Variants in BANK1 observed in about 807,000 individuals in gnomAD.
BANK1 encodes the protein B cell scaffold protein with ankyrin repeats 1.
Under a neutral mutation model 94.5 loss-of-function variants are expected in BANK1, and 95 were observed. That is an observed-to-expected ratio of 1.00 (90% CI 0.85 to 1.19). The LOEUF is 1.19. BANK1 is among the 50% of genes most tolerant of loss of function. The probability of loss-of-function intolerance (pLI) is 0.00; values close to 1 mark genes in which losing one functional copy is unlikely to be tolerated. For missense variants in BANK1, 987 were observed against 932.2 expected (o/e 1.06, Z -0.77); for synonymous variants, 334 against 308.4 (o/e 1.08, Z -0.87).
chr4:101,908,635 G>A (rs1181346908), intron 6 of BANK1, among the ~76,000 whole-genome samples: 2 of 152,042 alleles, frequency 1.3e-5, no homozygotes, highest in Non-Finnish European at 2.9e-5. Flanking sequence ...CAGAATGGGA[G>A]AAAATTTTTG....
At chr4:101,811,232 C>T (rs979985112) in intron 1 of BANK1, among the ~76,000 whole-genome samples, 1 of 152,112 alleles carries the variant, frequency 6.6e-6, no homozygotes, top group Non-Finnish European at 1.5e-5. Context: ...GTTAGATGTA[C>T]AAGTATTATT....
At chr4:102,032,231 C>T (rs1727344099) in intron 10 of BANK1, 1 of 152,118 alleles carries the variant, frequency 6.6e-6, no homozygotes, top group Admixed American at 6.5e-5. Context: ...ATTCCAATGC[C>T]TAGGGAGTTT....
intron 7 of BANK1, among the ~76,000 whole-genome samples, chr4:101,991,442 TTTTG>T (rs1340391244): frequency 6.6e-6 from 1 of 152,218 alleles, no homozygotes; most frequent in African/African-American, 2.4e-5. Context: ...TTTGTTTTTG[TTTTG>T]TTTGTTTTTT....
At chr4:102,060,529 A>G in intron 12 of BANK1, 140 bp downstream of exon 12, 1 of 945,130 alleles carries the variant, frequency 1.1e-6, no homozygotes, top group Non-Finnish European at 1.5e-6. Context: ...TCAAGAAATC[A>G]AATAATGTTT....
chr4:101,946,720 T>G (rs572905888), intron 7 of BANK1, among the ~76,000 whole-genome samples: 7 of 152,032 alleles, frequency 4.6e-5, no homozygotes, highest in Admixed American at 2.6e-4. Flanking sequence ...CAAGAAATAA[T>G]GGACATTTGA....
intron 13 of BANK1, among the ~76,000 whole-genome samples, chr4:102,064,272 T>G (rs1000120096): frequency 6.6e-6 from 1 of 152,194 alleles, no homozygotes; most frequent in Non-Finnish European, 1.5e-5. Context: ...TTTAAAATGT[T>G]TTCTAAAACA....
intron 7 of BANK1, among the ~76,000 whole-genome samples, chr4:102,003,925 GTA>G (rs1045642584): frequency 1.2e-4 from 18 of 149,772 alleles, no homozygotes; most frequent in Admixed American, 8.0e-4. Context: ...ATACATATAT[GTA>G]TATGTGTATA....
intron 1 of BANK1, among the ~76,000 whole-genome samples, chr4:101,810,358 C>G (rs1224475604): frequency 2.0e-5 from 3 of 152,254 alleles, no homozygotes; most frequent in East Asian, 3.9e-4. Context: ...AGGAAACATA[C>G]AGATATCTAA....
intron 2 of BANK1, among the ~76,000 whole-genome samples, chr4:101,847,736 TACACACACACACACACAC>T (rs35196238): frequency 6.9e-5 from 10 of 145,780 alleles, no homozygotes; most frequent in African/African-American, 2.6e-4. Context: ...TATTCCATCA[TACACACACACACACACAC>T]ACACACACAC....
chr4:101,875,619 C>G (rs892555239), intron 5 of BANK1, among the ~76,000 whole-genome samples: 1 of 152,112 alleles, frequency 6.6e-6, no homozygotes, highest in Non-Finnish European at 1.5e-5. Flanking sequence ...CAGGGTCCCC[C>G]CCTAGATACA....
chr4:101,849,509 A>T (rs1727390484), intron 2 of BANK1, among the ~76,000 whole-genome samples: 3 of 152,128 alleles, frequency 2.0e-5, no homozygotes, highest in African/African-American at 7.2e-5. Flanking sequence ...ACACACGCAC[A>T]CACACACATA....
intron 6 of BANK1, among the ~76,000 whole-genome samples, chr4:101,901,266 G>A (rs1381168327): frequency 1.3e-5 from 2 of 152,128 alleles, no homozygotes; most frequent in African/African-American, 4.8e-5. Context: ...GATTCATTAT[G>A]TACCCCAAAT....
intron 11 of BANK1, among the ~76,000 whole-genome samples, chr4:102,050,121 C>A (rs1350961144): frequency 2.0e-5 from 3 of 152,136 alleles, no homozygotes; most frequent in African/African-American, 7.2e-5. Context: ...CCAAGTGTAC[C>A]TTAGTTCCTT....
intron 1 of BANK1, among the ~76,000 whole-genome samples, chr4:101,823,594 TGATTAGAGGTGG>T (rs1271404761): frequency 1.3e-5 from 2 of 152,172 alleles, no homozygotes; most frequent in Non-Finnish European, 2.9e-5. Context: ...ACATAAAAAG[TGATTAGAGGTGG>T]GATTAGAACA....
chr4:102,037,788 T>G (rs1432664984), intron 10 of BANK1, among the ~76,000 whole-genome samples: 1 of 152,226 alleles, frequency 6.6e-6, no homozygotes. Flanking sequence ...AAACCATATA[T>G]GTACAGTGGC....
chr4:101,820,648 C>A lies in BANK1; in HGVS notation c.71-9160C>A, dbSNP rs531312174. On this transcript the variant is annotated intron_variant, in intron 1 of 16. Coordinates refer to ENST00000322953, the MANE Select transcript of BANK1 (RefSeq NM_017935.5). ...CCCACCCTCCACCTTCAAGCATACC[C>A]CAGTGACTGTTGTTTCCTTTTTTGT... Among the ~76,000 whole-genome samples the A allele has an allele frequency of 2.4e-4, 37 of 152,132 alleles. 1 individual carries two copies. The highest frequency in any genetic ancestry group is 2.6e-4 in the Admixed American group (4 of 15,274).
At chr4:101,919,528 T>G (rs1358578077) in intron 7 of BANK1, among the ~76,000 whole-genome samples, 3 of 151,990 alleles carry the variant, frequency 2.0e-5, no homozygotes, top group African/African-American at 7.2e-5. Flanking sequence ...TCTTACACCC[T>G]CTCAGTATTT....
At chr4:102,004,520 G>A (rs1407424850) in intron 7 of BANK1, among the ~76,000 whole-genome samples, 2 of 152,024 alleles carry the variant, frequency 1.3e-5, no homozygotes, top group African/African-American at 4.8e-5. Flanking sequence ...AGGATCTTTG[G>A]CAGAGAGAAT....
chr4:101,865,452 A>G (rs1183077380), intron 4 of BANK1, among the ~76,000 whole-genome samples: 1 of 152,130 alleles, frequency 6.6e-6, no homozygotes, highest in East Asian at 1.9e-4. Context: ...GAAAGAGCCC[A>G]TGGAACCTCT....
Sources: gnomAD v4.1 joint callset for allele counts (sites outside exome capture counted in the v4.1 genomes callset) on GRCh38, gnomAD v4.1.1 for gene constraint, MANE v1.5 for transcripts, NCBI Gene and HGNC (gene_info 2026-07-23, HGNC 2026-07-21) for gene names.